The following MIPOL1 variants were observed in gnomAD, a reference collection of about 807,000 sequenced individuals.
MIPOL1 encodes the protein mirror-image polydactyly gene 1 protein.
In MIPOL1, 57 loss-of-function variants were observed where a neutral mutation model predicts 60.9. The observed-to-expected ratio is 0.94, with a 90% CI of 0.76 to 1.17. The LOEUF is 1.17. Ranked by LOEUF, MIPOL1 falls within the 50% of genes most tolerant of loss-of-function variation. The pLI, the probability that MIPOL1 is intolerant of heterozygous loss-of-function variation, is 0.00. For missense variants in MIPOL1, 551 were observed against 511.6 expected, an observed-to-expected ratio of 1.08 and a Z score of -0.74; for synonymous variants, 179 against 168.8, an observed-to-expected ratio of 1.06 and a Z score of -0.47.
intron 11 of MIPOL1, among the ~76,000 whole-genome samples, chr14:37,488,751 T>G (rs1025276911): frequency 3.3e-5 from 5 of 152,208 alleles, no homozygotes; most frequent in African/African-American, 1.2e-4. Context: ...TCTTTAAAAA[T>G]GTTGAATATT....
chr14:37,266,207 G>A lies in MIPOL1; in HGVS notation c.20-731G>A, dbSNP rs1382710429. Among the ~76,000 whole-genome samples the A allele has an allele frequency of 3.9e-5, 6 of 151,930 alleles. No homozygotes were observed. The East Asian group carries it at 5.8e-4, about 15-fold the overall frequency. On this transcript the variant is annotated intron_variant, in intron 3 of 12. Coordinates refer to ENST00000684589, the MANE Select transcript of MIPOL1 (RefSeq NM_001388067.1). ...AGTGGTAATTTATCAAGAGTTCAGG[G>A]GATCACAAAATTTCACATTAGGTTA...
intron 11 of MIPOL1, among the ~76,000 whole-genome samples, chr14:37,473,414 A>G (rs766762889): frequency 5.3e-5 from 8 of 152,072 alleles, no homozygotes; most frequent in Non-Finnish European, 8.8e-5. Context: ...ATAGCAACAC[A>G]AAGCAAATGA....
At chr14:37,300,087 C>T (rs1017641121) in intron 7 of MIPOL1, among the ~76,000 whole-genome samples, 5 of 151,758 alleles carry the variant, frequency 3.3e-5, no homozygotes, top group Non-Finnish European at 7.4e-5. Flanking sequence ...ATAGGATTTA[C>T]TATCAGTAAT....
Position 37,549,078 on chromosome 14 carries a change from G to A in MIPOL1, c.*2107G>A, listed in dbSNP as rs1331527411. The A allele has an allele frequency of 6.6e-6, 1 of 151,864 alleles. No homozygotes were observed. Among genetic ancestry groups the A allele is most frequent in the Non-Finnish European group, 1.5e-5 (1 of 67,798 alleles). The allele number at this position is 151,864 out of a possible 1,614,324, so 9.4% of individuals were successfully genotyped here. A position where few individuals can be genotyped will look rare whatever the true frequency, so the allele number is the denominator to read the frequency against. Reference sequence around the variant, plus strand: ...ACACTTAAAAGTGTCCATCAACAGTGTGTCAGATGGTCTTTATATATTTTT... The same window carrying A: ...ACACTTAAAAGTGTCCATCAACAGTATGTCAGATGGTCTTTATATATTTTT... On this transcript the variant is annotated 3_prime_UTR_variant, in exon 13 of 13. Transcript: ENST00000684589.
chr14:37,353,466 G>T (rs368052679), intron 9 of MIPOL1, among the ~76,000 whole-genome samples: 1 of 152,128 alleles, frequency 6.6e-6, no homozygotes, highest in East Asian at 1.9e-4. Context: ...GATTGGAATA[G>T]TTTCAGAAGG....
At chr14:37,213,045 C>T (rs576009520) in intron 1 of MIPOL1, among the ~76,000 whole-genome samples, 1 of 152,272 alleles carries the variant, frequency 6.6e-6, no homozygotes, top group South Asian at 2.1e-4. Context: ...GCAGATATAG[C>T]TTAGGTCACA....
chr14:37,465,819 CCCTT>C lies in MIPOL1; in HGVS notation c.1032-34086_1032-34083del, dbSNP rs2094591458. 2.0e-5 allele frequency among the ~76,000 whole-genome samples: 3 copies of C among 152,212 alleles called. No individual in the cohort carries two copies. The South Asian group carries it at 6.2e-4, about 32-fold the overall frequency. Reference sequence around the variant, plus strand: ...ATAATAATAAAAAGTACTACTAACTCCCTTCCCAATCTGTAAGCATTAAATTAGT... The same window carrying C: ...ATAATAATAAAAAGTACTACTAACTCCCCAATCTGTAAGCATTAAATTAGT... On this transcript the variant is annotated intron_variant, in intron 11 of 12. Coordinates refer to ENST00000684589, the MANE Select transcript of MIPOL1 (RefSeq NM_001388067.1).
chr14:37,276,914 T>C (rs1200433361), intron 6 of MIPOL1: 1 of 151,236 alleles, frequency 6.6e-6, no homozygotes, highest in Non-Finnish European at 1.5e-5. Flanking sequence ...ATTACTGTCT[T>C]TGGCTACAGA....
intron 3 of MIPOL1, among the ~76,000 whole-genome samples, chr14:37,260,834 T>C (rs751623958): frequency 2.6e-5 from 4 of 152,142 alleles, no homozygotes; most frequent in Non-Finnish European, 4.4e-5. Flanking sequence ...AATTAGATTC[T>C]CAGGAAGATA....
At chr14:37,378,706 G>A (rs112722445) in intron 10 of MIPOL1, among the ~76,000 whole-genome samples, 27 of 151,424 alleles carry the variant, frequency 1.8e-4, no homozygotes, top group South Asian at 4.2e-4. Flanking sequence ...AGGGAGGGAC[G>A]GAAGGAAAGG....
chr14:37,220,018 A>T (rs557554426), intron 1 of MIPOL1, among the ~76,000 whole-genome samples: 1 of 152,248 alleles, frequency 6.6e-6, no homozygotes, highest in African/African-American at 2.4e-5. Context: ...TAAATAAGAC[A>T]TCGTTAGGAA....
rs1973312523 is a variant in MIPOL1 at position 37,247,127 on chromosome 14, T to C, written c.-174T>C. The C allele has an allele frequency of 6.6e-6, 1 of 152,594 alleles. No individual in the cohort carries two copies. The highest frequency in any genetic ancestry group is 3.4e-3 in the Middle Eastern group (1 of 294). The allele number at this position is 152,594 out of a possible 1,614,324, so 9.5% of individuals were successfully genotyped here. A position where few individuals can be genotyped will look rare whatever the true frequency, so the allele number is the denominator to read the frequency against. ...GCTAATCCAAAAGTAAATGAGAAAC[T>C]TAGAAAAAGATTGCCAATTCCAAAT... On this transcript the variant is annotated 5_prime_UTR_variant, in exon 2 of 13. Coordinates refer to ENST00000684589, the MANE Select transcript of MIPOL1 (RefSeq NM_001388067.1).
At chr14:37,388,555 A>G (rs1701254298) in intron 10 of MIPOL1, among the ~76,000 whole-genome samples, 2 of 150,854 alleles carry the variant, frequency 1.3e-5, no homozygotes, top group African/African-American at 2.4e-5. Context: ...TAAGGTATAC[A>G]GTTCAATGCA....
chr14:37,530,180 A>G (rs562993203), intron 12 of MIPOL1, among the ~76,000 whole-genome samples: 13 of 152,324 alleles, frequency 8.5e-5, no homozygotes, highest in African/African-American at 3.1e-4. Flanking sequence ...TCAATGACCA[A>G]CTAGATGTGA....
chr14:37,333,371 T>G (rs1346087910), intron 9 of MIPOL1, among the ~76,000 whole-genome samples: 1 of 152,090 alleles, frequency 6.6e-6, no homozygotes, highest in African/African-American at 2.4e-5. Context: ...TCTCCAATAA[T>G]TTTTCTGATA....
chr14:37,359,193 A>G (rs1258301741), intron 9 of MIPOL1, among the ~76,000 whole-genome samples: 3 of 152,076 alleles, frequency 2.0e-5, no homozygotes, highest in South Asian at 2.1e-4. Flanking sequence ...ATTGGTCTAT[A>G]TATCTGTTTC....
rs941680 is a variant in MIPOL1 at position 37,227,135 on chromosome 14, G to A, written c.-198-19968G>A. On this transcript the variant is annotated intron_variant, in intron 1 of 12. Transcript: ENST00000684589. ...AAACAACACAAATTTATTATCTTAC[G>A]GTTCTGGAGGTCAGTAATGTGAAAT... Among the ~76,000 whole-genome samples, 854 of 152,212 alleles carry A rather than the reference G, an allele frequency of 5.6e-3. 5 individuals are homozygous for A. Among genetic ancestry groups the A allele is most frequent in the African/African-American group, 0.019 (805 of 41,538 alleles).
intron 11 of MIPOL1, 103 bp from the exon 12 acceptor site, chr14:37,499,805 G>T: frequency 1.9e-6 from 1 of 519,514 alleles, no homozygotes; most frequent in East Asian, 3.0e-5. Context: ...AGTATTTATT[G>T]ATTTTTAGAA....
intron 1 of MIPOL1, among the ~76,000 whole-genome samples, chr14:37,209,570 G>A (rs1594460928): frequency 6.6e-6 from 1 of 152,290 alleles, no homozygotes; most frequent in East Asian, 1.9e-4. Context: ...TGAGGCAGGA[G>A]AATCGCTTGA....
Sources: allele counts gnomAD v4.1 joint callset (sites outside exome capture counted in the v4.1 genomes callset), GRCh38; gene constraint gnomAD v4.1.1; transcripts MANE v1.5; gene names NCBI Gene and HGNC (gene_info 2026-07-23, HGNC 2026-07-21).